Variants in MNAT1 observed in about 807,000 individuals in gnomAD.
MNAT1 encodes the protein CDK-activating kinase assembly factor MAT1.
Under a neutral mutation model 42.0 loss-of-function variants are expected in MNAT1, and 43 were observed. That is an observed-to-expected ratio of 1.02 (90% CI 0.80 to 1.32). The LOEUF (loss-of-function observed/expected upper bound fraction) is 1.32, where lower values mean the gene tolerates loss of function less well. MNAT1 is among the 40% of genes most tolerant of loss of function. The probability of loss-of-function intolerance (pLI) is 0.00; values close to 1 mark genes in which losing one functional copy is unlikely to be tolerated. For synonymous variants in MNAT1, 118 were observed against 120.0 expected, an observed-to-expected ratio of 0.98 and a Z score of 0.11; for missense variants, 306 against 350.4, an observed-to-expected ratio of 0.87 and a Z score of 1.01.
chr14:60,880,862 C>A (rs970061437), intron 7 of MNAT1, among the ~76,000 whole-genome samples: 1 of 152,154 alleles, frequency 6.6e-6, no homozygotes, highest in African/African-American at 2.4e-5. Context: ...CTAAAACCCC[C>A]TTTGAGATAA....
rs1392847672 is a variant in MNAT1, at chr14:60,848,000, A to G, written c.687+29153A>G. Among the ~76,000 whole-genome samples, 5 of 152,006 alleles carry G rather than the reference A, an allele frequency of 3.3e-5. No individual in the cohort carries two copies. In the East Asian group the frequency reaches 9.7e-4, roughly 29 times the overall value. On this transcript the variant is annotated intron_variant, in intron 6 of 7. Coordinates refer to ENST00000261245, the MANE Select transcript of MNAT1 (RefSeq NM_002431.4). ...GAAAAGTTTTTATTCAGTCTTTTAGATTTGTCTATGTAATTACCTCTTGAG... is the reference window on the plus strand; with the variant it reads ...GAAAAGTTTTTATTCAGTCTTTTAGGTTTGTCTATGTAATTACCTCTTGAG...
At chr14:60,767,745 C>A (rs1404818484) in intron 1 of MNAT1, among the ~76,000 whole-genome samples, 1 of 147,114 alleles carries the variant, frequency 6.8e-6, no homozygotes, top group Non-Finnish European at 1.5e-5. Context: ...GGATTACAGG[C>A]GCATGCCACC....
chr14:60,921,357 A>G (rs1453760955), intron 7 of MNAT1, among the ~76,000 whole-genome samples: 2 of 152,228 alleles, frequency 1.3e-5, no homozygotes, highest in Non-Finnish European at 2.9e-5. Context: ...ATATATGTTC[A>G]TTATAGAAAA....
At chr14:60,777,496 C>T (rs1198050039) in intron 1 of MNAT1, among the ~76,000 whole-genome samples, 1 of 151,420 alleles carries the variant, frequency 6.6e-6, no homozygotes, top group South Asian at 2.1e-4. Flanking sequence ...CATAAGCAGT[C>T]CAAATAAAGG....
chr14:60,870,224 G>T (rs903377338), intron 6 of MNAT1, among the ~76,000 whole-genome samples: 1 of 151,930 alleles, frequency 6.6e-6, no homozygotes, highest in Admixed American at 6.6e-5. Flanking sequence ...GAAATATAGG[G>T]CTCTAAGCTA....
At chr14:60,783,510 A>G (rs933953392) in intron 1 of MNAT1, among the ~76,000 whole-genome samples, 1 of 152,186 alleles carries the variant, frequency 6.6e-6, no homozygotes, top group Non-Finnish European at 1.5e-5. Context: ...GGAAGAATGT[A>G]TTATTACCAG....
At chr14:60,840,824 C>A (rs903315361) in intron 6 of MNAT1, among the ~76,000 whole-genome samples, 1 of 152,060 alleles carries the variant, frequency 6.6e-6, no homozygotes, top group Non-Finnish European at 1.5e-5. Flanking sequence ...CCACCATACC[C>A]GGCTAATTCT....
intron 6 of MNAT1, among the ~76,000 whole-genome samples, chr14:60,835,536 ATTTC>A (rs1355400966): frequency 6.6e-6 from 1 of 152,078 alleles, no homozygotes. Context: ...CTGGGTTGAA[ATTTC>A]TTTTCTTTAA....
intron 1 of MNAT1, among the ~76,000 whole-genome samples, chr14:60,741,665 T>TTTTTG (rs1555371501): frequency 6.9e-6 from 1 of 145,842 alleles, no homozygotes; most frequent in Non-Finnish European, 1.5e-5. Flanking sequence ...GGGGTTTTTT[T>TTTTTG]TTTTTTTTTT....
chr14:60,776,347 T>G (rs542885181), intron 1 of MNAT1, among the ~76,000 whole-genome samples: 8 of 152,052 alleles, frequency 5.3e-5, no homozygotes, highest in East Asian at 1.9e-4. Flanking sequence ...AGCAGAGAGA[T>G]ATATATATAT....
intron 4 of MNAT1, among the ~76,000 whole-genome samples, chr14:60,809,381 A>G (rs1289544843): frequency 6.6e-6 from 1 of 152,118 alleles, no homozygotes; most frequent in African/African-American, 2.4e-5. Context: ...CATTCCATTC[A>G]TAGCTAGCCT....
At chr14:60,787,364 ACT>A (rs2031683941) in intron 1 of MNAT1, among the ~76,000 whole-genome samples, 1 of 152,192 alleles carries the variant, frequency 6.6e-6, no homozygotes, top group Admixed American at 6.5e-5. Context: ...AATATACTTT[ACT>A]GCTAAAAATT....
At chr14:60,926,357 A>G (rs952618708) in intron 7 of MNAT1, among the ~76,000 whole-genome samples, 10 of 152,196 alleles carry the variant, frequency 6.6e-5, no homozygotes, top group African/African-American at 2.4e-4. Context: ...AGATAGTATC[A>G]TATACCACAG....
chr14:60,824,555 A>G (rs923630834), intron 6 of MNAT1, among the ~76,000 whole-genome samples: 2 of 152,242 alleles, frequency 1.3e-5, no homozygotes, highest in African/African-American at 4.8e-5. Flanking sequence ...AGGAGGCAAT[A>G]AAGTATAGAA....
intron 7 of MNAT1, among the ~76,000 whole-genome samples, chr14:60,933,811 A>G (rs1023689546): frequency 1.3e-5 from 2 of 152,172 alleles, no homozygotes; most frequent in South Asian, 2.1e-4. Flanking sequence ...TGTATATAGA[A>G]TTTTTTCACT....
intron 1 of MNAT1, among the ~76,000 whole-genome samples, chr14:60,763,584 G>A (rs2030697112): frequency 1.3e-5 from 2 of 152,160 alleles, no homozygotes; most frequent in Non-Finnish European, 1.5e-5. Flanking sequence ...ATTTTCACTC[G>A]GTTAAATCCC....
chr14:60,764,088 C>G lies in MNAT1; in HGVS notation c.89+29137C>G, dbSNP rs533244061. 3.8e-4 allele frequency among the ~76,000 whole-genome samples: 58 copies of G among 152,288 alleles called. No individual in the cohort carries two copies. The South Asian group carries it at 0.011, about 28-fold the overall frequency. On this transcript the variant is annotated intron_variant, in intron 1 of 7. Coordinates refer to ENST00000261245, the MANE Select transcript of MNAT1 (RefSeq NM_002431.4). ...TTGATTTTGCTAGCTATACACAGTA[C>G]TGTCTTTTAATGATCACTTTTTAAT...
At chr14:60,960,962 CT>C (rs939742629) in intron 7 of MNAT1, among the ~76,000 whole-genome samples, 3 of 151,248 alleles carry the variant, frequency 2.0e-5, no homozygotes, top group Non-Finnish European at 3.0e-5. Context: ...TTTCTTTTTT[CT>C]TTTTTTTTCT....
chr14:60,948,661 T>C (rs1346906028), intron 7 of MNAT1, among the ~76,000 whole-genome samples: 3 of 152,168 alleles, frequency 2.0e-5, no homozygotes, highest in African/African-American at 7.2e-5. Context: ...TTAAAAATGG[T>C]TTATTTTTAT....
Sources: allele counts gnomAD v4.1 joint callset (sites outside exome capture counted in the v4.1 genomes callset), GRCh38; gene constraint gnomAD v4.1.1; transcripts MANE v1.5; gene names NCBI Gene and HGNC (gene_info 2026-07-23, HGNC 2026-07-21).